The following NEDD1 variants were observed in gnomAD, a reference collection of about 807,000 sequenced individuals.
NEDD1 encodes protein NEDD1.
NEDD1 carries 33 observed loss-of-function variants against 74.0 expected under a neutral mutation model. The ratio of observed to expected loss-of-function variants is 0.45; its 90% CI spans 0.34 to 0.60. NEDD1 has a LOEUF of 0.60. Among genes scored for constraint, NEDD1 ranks in the 20% least tolerant of loss-of-function variants. The probability of loss-of-function intolerance (pLI) is 0.01; values close to 1 mark genes in which losing one functional copy is unlikely to be tolerated. For synonymous variants in NEDD1, 250 were observed against 264.4 expected, an observed-to-expected ratio of 0.95 and a Z score of 0.53; for missense variants, 746 against 776.5, an observed-to-expected ratio of 0.96 and a Z score of 0.47.
chr12:96,935,327 G>A, intron 7 of NEDD1, 122 bp downstream of exon 7: 1 of 632,264 alleles, frequency 1.6e-6, no homozygotes, highest in Non-Finnish European at 2.8e-6. Flanking sequence ...TTGTACAGTT[G>A]ATGGATCTAG....
Position 96,951,992 on chromosome 12 carries a change from G to C in NEDD1, c.1922G>C (p.Gly641Ala). 6.2e-7 allele frequency: 1 copy of C among 1,607,202 alleles called. No individual in the cohort carries two copies. Among genetic ancestry groups the C allele is most frequent in the East Asian group, 2.2e-5 (1 of 44,664 alleles). The change falls in exon 16 of 16, where the codon GGT (glycine) becomes GCT (alanine). Residue 641 changes from glycine to alanine, a missense_variant. Gly to Ala is a moderately conservative substitution (Grantham distance 60, BLOSUM62 0). Transcript: ENST00000266742. ...SLLERYSVNE[G>A]LVAEIERLRE... Reference sequence around the variant, plus strand: ...CTGGAAAGATACTCAGTGAATGAAGGTTTAGTGGCTGAAATTGAAAGACTA... The same window carrying C: ...CTGGAAAGATACTCAGTGAATGAAGCTTTAGTGGCTGAAATTGAAAGACTA...
At chr12:96,940,600 G>A (rs1417023171) in intron 10 of NEDD1, 63 bp downstream of exon 10, 2 of 1,217,610 alleles carry the variant, frequency 1.6e-6, no homozygotes, top group Non-Finnish European at 2.3e-6. Flanking sequence ...CTGGCTAAAA[G>A]ATGTGAATAA....
intron 6 of NEDD1, among the ~76,000 whole-genome samples, chr12:96,929,621 A>ATTT (rs1182293978): frequency 1.5e-5 from 2 of 136,044 alleles, no homozygotes; most frequent in African/African-American, 5.9e-5. Context: ...ATATATATAT[A>ATTT]TATTTTTTTT....
At chr12:96,926,417 A>G (rs1383097676) in intron 6 of NEDD1, among the ~76,000 whole-genome samples, 2 of 152,160 alleles carry the variant, frequency 1.3e-5, no homozygotes, top group Non-Finnish European at 2.9e-5. Context: ...AACAGAATAC[A>G]TGGGCTAGGA....
Position 96,923,202 on chromosome 12 carries a change from C to A in NEDD1, c.489+3077C>A, listed in dbSNP as rs181722996. Among the ~76,000 whole-genome samples the A allele has an allele frequency of 6.0e-4, 91 of 152,086 alleles. 1 individual carries two copies. Among genetic ancestry groups the A allele is most frequent in the Non-Finnish European group, 1.0e-3 (71 of 67,990 alleles). ...TGCTTTGTTGCATGGAATAGTAGTTCATACTGTATTAATTCTGTGTAGTGT... is the reference window on the plus strand; with the variant it reads ...TGCTTTGTTGCATGGAATAGTAGTTAATACTGTATTAATTCTGTGTAGTGT... On this transcript the variant is annotated intron_variant, in intron 6 of 15. Coordinates refer to ENST00000266742, the MANE Select transcript of NEDD1 (RefSeq NM_152905.4).
At chr12:96,918,175 T>G (rs1004728737) in intron 5 of NEDD1, among the ~76,000 whole-genome samples, 12 of 151,858 alleles carry the variant, frequency 7.9e-5, no homozygotes, top group African/African-American at 2.7e-4. Flanking sequence ...TGTGTTTTTT[T>G]TTTGTGTGTG....
At position 96,908,977 on chromosome 12, in the gene NEDD1, G is replaced by C. The variant is rs1286956169; in HGVS notation, c.-8-775G>C. Among the ~76,000 whole-genome samples, 3 of 152,066 alleles carry C rather than the reference G, an allele frequency of 2.0e-5. No individual in the cohort carries two copies. In the South Asian group the frequency reaches 6.2e-4, roughly 32 times the overall value. ...AGATCACCTGAGGTCAGGAGTTCGA[G>C]ACCAGCCTGACCAACATGGAGAAAC... On this transcript the variant is annotated intron_variant, in intron 2 of 15. Coordinates refer to ENST00000266742, the MANE Select transcript of NEDD1 (RefSeq NM_152905.4).
intron 9 of NEDD1, among the ~76,000 whole-genome samples, chr12:96,939,032 C>A (rs1877404865): frequency 6.6e-6 from 1 of 151,914 alleles, no homozygotes; most frequent in Admixed American, 6.6e-5. Context: ...ATTGGAAGTA[C>A]CTGGCACATG....
chr12:96,944,625 T>G lies in NEDD1; in HGVS notation c.1498-14T>G. The G allele has an allele frequency of 6.6e-7, 1 of 1,510,830 alleles. No homozygotes were observed. Among genetic ancestry groups the G allele is most frequent in the Non-Finnish European group, 9.0e-7 (1 of 1,111,050 alleles). 93.6% of individuals were successfully genotyped at this position (1,510,830 alleles called of 1,614,324 possible). On this transcript the variant is annotated splice_polypyrimidine_tract_variant and intron_variant, in intron 12 of 15. Transcript: ENST00000266742. ...AATTGTATATTAAAGTCATTATTTATTTTAAATATAAAGTTAGCAAAGTTG... is the reference window on the plus strand; with the variant it reads ...AATTGTATATTAAAGTCATTATTTAGTTTAAATATAAAGTTAGCAAAGTTG...
chr12:96,947,182 G>T (rs1216647710), intron 14 of NEDD1, among the ~76,000 whole-genome samples: 2 of 151,958 alleles, frequency 1.3e-5, no homozygotes, highest in Admixed American at 6.6e-5. Context: ...CCTAAGTTCT[G>T]TTATTTTTAA....
At chr12:96,908,005 C>A in intron 2 of NEDD1, 149 bp downstream of exon 2, 1 of 430,268 alleles carries the variant, frequency 2.3e-6, no homozygotes, top group Non-Finnish European at 3.4e-6. Context: ...ACCCACTACA[C>A]CCCGCAGCTC....
chr12:96,946,594 A>G (rs1251070675), intron 14 of NEDD1, among the ~76,000 whole-genome samples: 3 of 152,166 alleles, frequency 2.0e-5, no homozygotes, highest in African/African-American at 7.2e-5. Flanking sequence ...TTTAAAGAAA[A>G]ATTGTAATTT....
rs773856179 is a variant in NEDD1, at chr12:96,944,811, T to A, written c.1654+16T>A. 6.6e-7 allele frequency: 1 copy of A among 1,507,120 alleles called. No homozygotes were observed. The highest frequency in any genetic ancestry group is 2.4e-5 in the East Asian group (1 of 41,482). The allele number at this position is 1,507,120 out of a possible 1,614,324, so 93.4% of individuals were successfully genotyped here. ...TCAACTCCAAGTAAGTACATGAAAC[T>A]TCCTGATGTTTGAAAGTGTTTGATT... is the stretch of plus-strand genomic sequence containing the variant. On this transcript the variant is annotated intron_variant, in intron 13 of 15. Coordinates refer to ENST00000266742, the MANE Select transcript of NEDD1 (RefSeq NM_152905.4).
chr12:96,933,016 T>TA (rs1159572577), intron 6 of NEDD1, among the ~76,000 whole-genome samples: 2 of 151,136 alleles, frequency 1.3e-5, no homozygotes, highest in African/African-American at 4.9e-5. Flanking sequence ...TTTTTTTTTT[T>TA]AAATAGTCTG....
At chr12:96,943,097 C>T (rs546176606) in intron 11 of NEDD1, among the ~76,000 whole-genome samples, 1 of 152,086 alleles carries the variant, frequency 6.6e-6, no homozygotes, top group Non-Finnish European at 1.5e-5. Context: ...TTGTTAGAAG[C>T]AAGTTACTAG....
rs1877204163 is a variant in NEDD1 at position 96,937,218 on chromosome 12, T to C, written c.942T>C (p.Cys314=). The change falls in exon 9 of 16, where the codon TGT becomes TGC. Residue 314 remains cysteine, a synonymous_variant. Transcript: ENST00000266742. ...TTCAGTCAAGTTTAAATAAAGGCTG[T>C]TCAAATAAGCCCACAACAGTGAACA... is the stretch of plus-strand genomic sequence containing the variant. The part of the protein sequence containing the change: ...VLTKSSLNKG[C]SNKPTTVNKR... The C allele has an allele frequency of 6.2e-7, 1 of 1,601,348 alleles. No individual in the cohort carries two copies. The highest frequency in any genetic ancestry group is 1.3e-5 in the African/African-American group (1 of 74,150).
At position 96,944,772 on chromosome 12, in the gene NEDD1, C is replaced by A. The variant is rs368930274; in HGVS notation, c.1631C>A (p.Pro544Gln). ...GAAGCCCAGTTGATATGTGAACCCC[C>A]AATCAATGGATCCTCAACTCCAAGT... ...EIEAQLICEP[P>Q]INGSSTPNPK... is the part of the protein sequence containing the mutation. The change falls in exon 13 of 16, where the codon CCA (proline) becomes CAA (glutamine). Residue 544 changes from proline to glutamine, a missense_variant. Coordinates refer to ENST00000266742, the MANE Select transcript of NEDD1 (RefSeq NM_152905.4). The A allele has an allele frequency of 2.6e-6, 4 of 1,566,560 alleles. No homozygotes were observed. Among genetic ancestry groups the A allele is most frequent in the Non-Finnish European group, 3.4e-6 (4 of 1,161,386 alleles).
intron 7 of NEDD1, among the ~76,000 whole-genome samples, chr12:96,936,251 G>A (rs1877073447): frequency 6.6e-6 from 1 of 152,158 alleles, no homozygotes; most frequent in Non-Finnish European, 1.5e-5. Context: ...GGATACTTAG[G>A]CCCTCCTCAA....
rs143496804 is a variant in NEDD1 at position 96,933,236 on chromosome 12, C to A, written c.490-1740C>A. Among the ~76,000 whole-genome samples the A allele has an allele frequency of 2.1e-3, 314 of 152,106 alleles. 2 individuals carry two copies. Among genetic ancestry groups the A allele is most frequent in the African/African-American group, 5.4e-3 (226 of 41,506 alleles). On this transcript the variant is annotated intron_variant, in intron 6 of 15. Coordinates refer to ENST00000266742, the MANE Select transcript of NEDD1 (RefSeq NM_152905.4). ...CTAAGAGGTTAAACTTTATGAACTT[C>A]GAGAATCTACCAGGTCTGTGATTTT...
Sources: allele counts gnomAD v4.1 joint callset (sites outside exome capture counted in the v4.1 genomes callset), GRCh38; gene constraint gnomAD v4.1.1; transcripts MANE v1.5; gene names NCBI Gene and HGNC (gene_info 2026-07-23, HGNC 2026-07-21).